The following WDR74 variants were observed in gnomAD, a reference collection of about 807,000 sequenced individuals.
WDR74 encodes WD repeat-containing protein 74.
A neutral mutation model predicts 45.6 loss-of-function variants in WDR74; 31 were observed. The observed-to-expected ratio is 0.68, with a 90% CI of 0.51 to 0.92. The LOEUF (loss-of-function observed/expected upper bound fraction) is 0.92, where lower values mean the gene tolerates loss of function less well. WDR74 is among the 40% of genes least tolerant of loss of function. The probability of loss-of-function intolerance (pLI) is 0.00; values close to 1 mark genes in which losing one functional copy is unlikely to be tolerated. For synonymous variants in WDR74, 191 were observed against 192.4 expected, an observed-to-expected ratio of 0.99 and a Z score of 0.06; for missense variants, 455 against 497.2, an observed-to-expected ratio of 0.92 and a Z score of 0.81.
chr11:62,834,390 G>GGGGGGGGCCC, intron 7 of WDR74, 37 bp downstream of exon 7: 1 of 1,584,228 alleles, frequency 6.3e-7, no homozygotes, highest in Non-Finnish European at 8.6e-7. Context: ...CCCTTCTCAA[G>GGGGGGGGCCC]CCCCACCCTC....
intron 3 of WDR74, among the ~76,000 whole-genome samples, chr11:62,838,571 CA>C (rs2084993264): frequency 6.6e-6 from 1 of 151,696 alleles, no homozygotes; most frequent in African/African-American, 2.4e-5. Flanking sequence ...CCAGCCTAGC[CA>C]ATACGGTGAA....
At chr11:62,833,454 C>T in intron 10 of WDR74, 164 bp downstream of exon 10, 1 of 866,992 alleles carries the variant, frequency 1.2e-6, no homozygotes, top group East Asian at 2.7e-5. Context: ...TTGGCAATAA[C>T]CCTCTCAGGA....
intron 6 of WDR74, 42 bp downstream of exon 6, chr11:62,835,389 T>C (rs1317362947): frequency 6.3e-7 from 1 of 1,585,178 alleles, no homozygotes; most frequent in African/African-American, 1.3e-5. Context: ...TCCAGGAGGC[T>C]GCTTTATCCC....
chr11:62,841,316 CA>C (rs199902916), upstream of WDR74, among the ~76,000 whole-genome samples: 4 of 151,402 alleles, frequency 2.6e-5, no homozygotes, highest in South Asian at 2.1e-4. Flanking sequence ...GACGACGTCT[CA>C]AAAAAAATAA....
intron 6 of WDR74, 134 bp from the exon 7 acceptor site, chr11:62,834,661 T>A (rs76320591): frequency 2.7e-6 from 2 of 736,792 alleles, no homozygotes; most frequent in African/African-American, 3.5e-5. Context: ...TCATCTTAGA[T>A]GTATGCCTCT....
rs566833394 is a variant in WDR74, at chr11:62,836,163, G to A, written c.294-127C>T. On this transcript the variant is annotated intron_variant, in intron 3 of 10. Transcript: ENST00000278856. ...AAAAAAAGTATAAAAGTATTCTCTAGGCCCCAAACTCATATCAACCAGATT... is the reference window on the plus strand; with the variant it reads ...AAAAAAAGTATAAAAGTATTCTCTAAGCCCCAAACTCATATCAACCAGATT... 8 of 964,914 alleles carry A rather than the reference G, an allele frequency of 8.3e-6. No individual in the cohort carries two copies. The Admixed American group carries it at 9.0e-5, about 11-fold the overall frequency. 59.8% of individuals were successfully genotyped at this position (964,914 alleles called of 1,614,324 possible).
intron 2 of WDR74, 42 bp from the exon 3 acceptor site, chr11:62,839,277 C>T: frequency 1.2e-6 from 2 of 1,611,768 alleles, no homozygotes; most frequent in Non-Finnish European, 1.7e-6. Context: ...AGCGAGGCTG[C>T]TGCGCCCCAG....
chr11:62,839,553 T>C lies in WDR74; in HGVS notation c.18A>G (p.Ala6=), dbSNP rs1402664740. 1 of 1,611,626 alleles carries C rather than the reference T, an allele frequency of 6.2e-7. No homozygotes were observed. The highest frequency in any genetic ancestry group is 8.5e-7 in the Non-Finnish European group (1 of 1,178,898). Residue 6 remains alanine, a synonymous_variant, in exon 1 of 11, where the codon GCA becomes GCG. Transcript: ENST00000278856. The stretch of plus-strand genomic sequence containing the variant: ...TGCCGACCCACACATGGTTCCAGCG[T>C]GCAGCAGCAGCCGCCATGACAAAGC... MAAAA[A]RWNHVWVGTE... is the part of the protein sequence containing the mutation.
chr11:62,833,217 G>A, intron 10 of WDR74, 86 bp from the exon 11 acceptor site: 1 of 1,413,956 alleles, frequency 7.1e-7, no homozygotes, highest in Non-Finnish European at 9.7e-7. Flanking sequence ...GGAGACCAAG[G>A]CAGGAGGATT....
At chr11:62,838,362 C>T (rs111827102) in intron 3 of WDR74, among the ~76,000 whole-genome samples, 8,857 of 151,814 alleles carry the variant, frequency 0.058, 361 homozygotes, top group Non-Finnish European at 0.088. Context: ...ACCGTGCTGG[C>T]CAGGCTGGTC....
At chr11:62,841,770 G>A (rs531055361), upstream of WDR74, 8 of 152,342 alleles carry the variant, frequency 5.3e-5, no homozygotes, top group South Asian at 2.1e-4. Context: ...GATAAGAACA[G>A]ATACTACACT....
chr11:62,835,497 G>T lies in WDR74; in HGVS notation c.552C>A (p.Ile184=), dbSNP rs2084944950. The change falls in exon 6 of 11, where the codon ATC becomes ATA. Residue 184 remains isoleucine, a synonymous_variant. Coordinates refer to ENST00000278856, the MANE Select transcript of WDR74 (RefSeq NM_001369450.1). ...RNDWLDLRVP[I]WDQDIQFLPG... is the part of the protein sequence containing the mutation. ...GGAGAAACTGTATGTCCTGGTCCCA[G>T]ATGGGAACCCGCAAGTCCAGCCAGT... The T allele has an allele frequency of 6.2e-7, 1 of 1,613,862 alleles. No homozygotes were observed. The highest frequency in any genetic ancestry group is 8.5e-7 in the Non-Finnish European group (1 of 1,179,892).
At position 62,834,531 on chromosome 11, in the gene WDR74, G is replaced by A. The variant is rs772733998; in HGVS notation, c.619-4C>T. 3.1e-6 allele frequency: 5 copies of A among 1,603,972 alleles called. No homozygotes were observed. Among genetic ancestry groups the A allele is most frequent in the East Asian group, 2.2e-5 (1 of 44,876 alleles). On this transcript the variant is annotated splice_region_variant and splice_polypyrimidine_tract_variant and intron_variant, in intron 6 of 10. Coordinates refer to ENST00000278856, the MANE Select transcript of WDR74 (RefSeq NM_001369450.1). ...ATGCTGGATCATAAACACGGACCTA[G>A]AGGAAGGCTGAAGCATCACAAAAGT...
chr11:62,841,774 C>T (rs2085067102), upstream of WDR74: 1 of 152,238 alleles, frequency 6.6e-6, no homozygotes, highest in African/African-American at 2.4e-5. Context: ...AGAACAGATA[C>T]TACACTTGAT....
chr11:62,833,219 A>G, intron 10 of WDR74, 88 bp from the exon 11 acceptor site: 2 of 1,363,600 alleles, frequency 1.5e-6, no homozygotes, highest in Non-Finnish European at 2.0e-6. Flanking sequence ...AGACCAAGGC[A>G]GGAGGATTGC....
At position 62,833,952 on chromosome 11, in the gene WDR74, A is replaced by G. The variant is rs750921371; in HGVS notation, c.776-15T>C. The G allele has an allele frequency of 1.9e-6, 3 of 1,611,030 alleles. No individual in the cohort carries two copies. Among genetic ancestry groups the G allele is most frequent in the African/African-American group, 1.3e-5 (1 of 74,894 alleles). On this transcript the variant is annotated splice_polypyrimidine_tract_variant and intron_variant, in intron 8 of 10. Coordinates refer to ENST00000278856, the MANE Select transcript of WDR74 (RefSeq NM_001369450.1). ...CAGTAGACGCCCTAGAGAAGGGGGG[A>G]AGCATCCGTGATAACTGGCTGGCCA...
At chr11:62,841,663 C>A (rs565936629), upstream of WDR74, 3 of 152,216 alleles carry the variant, frequency 2.0e-5, no homozygotes, top group Non-Finnish European at 4.4e-5. Context: ...CAGGTCGATG[C>A]GTGGAGTGGA....
chr11:62,839,118 C>T lies in WDR74; in HGVS notation c.289G>A (p.Asp97Asn). Residue 97 changes from aspartate (D) to asparagine (N), a missense_variant, in exon 3 of 11, where the codon GAC becomes AAC. Physicochemically the swap from Asp to Asn is conservative, Grantham distance 23. Transcript: ENST00000278856. ...EGMFRGLAQA[D>N]GTLITCVDSG... The stretch of plus-strand genomic sequence containing the variant: ...TAGCGAGGGGATTGGTCTTACCCGT[C>T]GGCCTGGGCGAGGCCACGGAACATG... 1.2e-6 allele frequency: 2 copies of T among 1,613,266 alleles called. No homozygotes were observed. The highest frequency in any genetic ancestry group is 8.5e-7 in the Non-Finnish European group (1 of 1,179,886).
upstream of WDR74, among the ~76,000 whole-genome samples, chr11:62,841,305 AGAC>A (rs2085043252): frequency 6.6e-6 from 1 of 152,088 alleles, no homozygotes; most frequent in Non-Finnish European, 1.5e-5. Context: ...CGACAGAGCA[AGAC>A]GACGTCTCAA....
Sources: allele counts gnomAD v4.1 joint callset (sites outside exome capture counted in the v4.1 genomes callset), GRCh38; gene constraint gnomAD v4.1.1; transcripts MANE v1.5; gene names NCBI Gene and HGNC (gene_info 2026-07-23, HGNC 2026-07-21).